MAGI2: variants seen among roughly 807,000 people sequenced by gnomAD.
MAGI2 encodes membrane associated guanylate kinase, WW and PDZ domain containing 2, also known as membrane-associated guanylate kinase, WW and PDZ domain-containing protein 2.
In MAGI2, 35 loss-of-function variants were observed where a neutral mutation model predicts 133.3. The ratio of observed to expected loss-of-function variants is 0.26; its 90% CI spans 0.20 to 0.35. MAGI2 has a LOEUF of 0.35. Ranked by LOEUF, MAGI2 falls within the 10% of genes least tolerant of loss-of-function variation. The probability of loss-of-function intolerance (pLI) is 1.00; values close to 1 mark genes in which losing one functional copy is unlikely to be tolerated. For synonymous variants in MAGI2, 729 were observed against 710.6 expected (o/e 1.03, Z -0.41); for missense variants, 1,636 against 1,863.4 (o/e 0.88, Z 2.25).
At chr7:79,393,929 T>G (rs1184212711) in intron 1 of MAGI2, among the ~76,000 whole-genome samples, 1 of 152,210 alleles carries the variant, frequency 6.6e-6, no homozygotes, top group Non-Finnish European at 1.5e-5. Context: ...TCTGGGTGTC[T>G]ATAGAGCTAC....
intron 7 of MAGI2, chr7:78,350,552 C>G (rs1311863294): frequency 6.6e-6 from 1 of 152,110 alleles, no homozygotes; most frequent in Admixed American, 6.6e-5. Flanking sequence ...TATGCAGAAG[C>G]CTCTTTTTCT....
At chr7:78,295,529 A>ACTAT (rs778140665) in intron 9 of MAGI2, among the ~76,000 whole-genome samples, 17 of 152,150 alleles carry the variant, frequency 1.1e-4, no homozygotes, top group Middle Eastern at 3.4e-3. Context: ...ATATATGATC[A>ACTAT]CTATCTTCCT....
intron 1 of MAGI2, among the ~76,000 whole-genome samples, chr7:79,429,381 CA>C (rs1265767794): frequency 7.2e-5 from 11 of 152,158 alleles, no homozygotes; most frequent in African/African-American, 2.6e-4. Flanking sequence ...CAGGTCACTG[CA>C]ACCTCTGCCT....
chr7:78,806,640 A>C (rs1788599714), intron 2 of MAGI2, among the ~76,000 whole-genome samples: 1 of 151,986 alleles, frequency 6.6e-6, no homozygotes, highest in South Asian at 2.1e-4. Context: ...CTGAGTGGAG[A>C]GAATTGCGTG....
At chr7:78,905,855 C>T (rs1170098915) in intron 2 of MAGI2, among the ~76,000 whole-genome samples, 1 of 152,032 alleles carries the variant, frequency 6.6e-6, no homozygotes, top group African/African-American at 2.4e-5. Flanking sequence ...AACAGTGATT[C>T]TCTAGGACTT....
chr7:78,815,176 A>G (rs2151417734), intron 2 of MAGI2, among the ~76,000 whole-genome samples: 1 of 152,264 alleles, frequency 6.6e-6, no homozygotes, highest in African/African-American at 2.4e-5. Flanking sequence ...GATGGTCAAT[A>G]TTTTTGCACT....
At chr7:78,160,363 G>T in intron 15 of MAGI2, 90 bp from the exon 16 acceptor site, 1 of 1,308,502 alleles carries the variant, frequency 7.6e-7, no homozygotes, top group Non-Finnish European at 1.0e-6. Flanking sequence ...CTAGACAGTG[G>T]TATTGTTACA....
intron 2 of MAGI2, among the ~76,000 whole-genome samples, chr7:78,834,364 TC>T (rs1791438364): frequency 6.6e-6 from 1 of 152,190 alleles, no homozygotes; most frequent in Non-Finnish European, 1.5e-5. Context: ...CAATCCCGCA[TC>T]CTCCTTAGTT....
intron 2 of MAGI2, among the ~76,000 whole-genome samples, chr7:78,953,744 G>A (rs1802059685): frequency 6.6e-6 from 1 of 152,100 alleles, no homozygotes; most frequent in African/African-American, 2.4e-5. Context: ...CTAGAGTTGA[G>A]ATCGCCGATC....
At chr7:78,081,179 C>G (rs917531680) in intron 20 of MAGI2, among the ~76,000 whole-genome samples, 3 of 152,146 alleles carry the variant, frequency 2.0e-5, no homozygotes, top group African/African-American at 7.2e-5. Flanking sequence ...GCAGAGATGT[C>G]CACTCTCTCT....
intron 2 of MAGI2, among the ~76,000 whole-genome samples, chr7:78,744,259 T>C (rs538768709): frequency 3.0e-4 from 46 of 152,320 alleles, no homozygotes; most frequent in African/African-American, 1.1e-3. Flanking sequence ...TAGTCACCAT[T>C]AAACTTTATC....
At chr7:79,191,242 T>C (rs1827627857) in intron 1 of MAGI2, among the ~76,000 whole-genome samples, 1 of 151,632 alleles carries the variant, frequency 6.6e-6, no homozygotes, top group Non-Finnish European at 1.5e-5. Context: ...TTAGGTTGTG[T>C]TAAATTTAGA....
At chr7:78,496,782 T>G (rs540091289) in intron 5 of MAGI2, among the ~76,000 whole-genome samples, 5 of 152,242 alleles carry the variant, frequency 3.3e-5, no homozygotes, top group East Asian at 3.9e-4. Context: ...AGCAAATTGG[T>G]TAAGAACAAG....
intron 2 of MAGI2, among the ~76,000 whole-genome samples, chr7:78,828,257 A>G (rs1419452815): frequency 6.6e-6 from 1 of 152,212 alleles, no homozygotes; most frequent in African/African-American, 2.4e-5. Context: ...AGGGGTAATG[A>G]GAGTAACTTA....
intron 6 of MAGI2, among the ~76,000 whole-genome samples, chr7:78,439,537 G>A (rs560816329): frequency 6.6e-6 from 1 of 152,070 alleles, no homozygotes; most frequent in African/African-American, 2.4e-5. Flanking sequence ...TGAGGAGGGG[G>A]CACAGCAAGA....
chr7:79,391,776 C>T (rs1295420866), intron 1 of MAGI2, among the ~76,000 whole-genome samples: 2 of 151,890 alleles, frequency 1.3e-5, no homozygotes, highest in African/African-American at 4.8e-5. Context: ...GCTCCGCCTC[C>T]TGGTTCACAC....
At chr7:79,320,300 G>C (rs570368657) in intron 1 of MAGI2, among the ~76,000 whole-genome samples, 2 of 152,108 alleles carry the variant, frequency 1.3e-5, no homozygotes, top group South Asian at 4.2e-4. Context: ...AGCAATATTT[G>C]AGAGCAATTC....
chr7:79,241,233 G>C (rs763872456), intron 1 of MAGI2, among the ~76,000 whole-genome samples: 2 of 152,090 alleles, frequency 1.3e-5, no homozygotes, highest in Non-Finnish European at 2.9e-5. Flanking sequence ...TCAAAAGTAA[G>C]CCAAAACACA....
At chr7:78,411,619 A>G (rs1797880185) in intron 6 of MAGI2, among the ~76,000 whole-genome samples, 1 of 152,018 alleles carries the variant, frequency 6.6e-6, no homozygotes, top group Non-Finnish European at 1.5e-5. Flanking sequence ...GTGATAATTT[A>G]TCACTTAGGG....
Sources: allele counts gnomAD v4.1 joint callset (sites outside exome capture counted in the v4.1 genomes callset), GRCh38; gene constraint gnomAD v4.1.1; transcripts MANE v1.5; gene names NCBI Gene and HGNC (gene_info 2026-07-23, HGNC 2026-07-21).